Variants in USP32 observed in about 807,000 individuals in gnomAD.
The protein encoded by USP32 is ubiquitin specific peptidase 32.
Under a neutral mutation model 204.8 loss-of-function variants are expected in USP32, and 59 were observed. The observed-to-expected ratio is 0.29, with a 90% CI of 0.23 to 0.36. USP32 has a LOEUF of 0.36. USP32 is among the 10% of genes least tolerant of loss of function. The pLI is 1.00. For synonymous variants in USP32, 517 were observed against 678.4 expected, an observed-to-expected ratio of 0.76 and a Z score of 3.70; for missense variants, 1,160 against 1,946.4, an observed-to-expected ratio of 0.60 and a Z score of 7.60.
intron 12 of USP32, among the ~76,000 whole-genome samples, chr17:60,229,819 T>C (rs1010058636): frequency 1.3e-5 from 2 of 152,178 alleles, no homozygotes; most frequent in Admixed American, 6.5e-5. Context: ...ACTTTTTTTT[T>C]CCTTCTTTTT....
At chr17:60,385,659 T>G (rs1006774552) in intron 1 of USP32, among the ~76,000 whole-genome samples, 1 of 151,940 alleles carries the variant, frequency 6.6e-6, no homozygotes, top group African/African-American at 2.4e-5. Context: ...CTGGCCAACA[T>G]AGTAAAACCC....
chr17:60,261,808 A>G (rs1254621687), intron 9 of USP32, among the ~76,000 whole-genome samples: 1 of 152,238 alleles, frequency 6.6e-6, no homozygotes, highest in African/African-American at 2.4e-5. Flanking sequence ...TTAAGATGAT[A>G]ATCTGATTCT....
At chr17:60,236,290 G>A in intron 11 of USP32, 50 bp from the exon 12 acceptor site, 1 of 1,455,102 alleles carries the variant, frequency 6.9e-7, no homozygotes, top group Non-Finnish European at 9.6e-7. Flanking sequence ...TGAAATAGGT[G>A]GCAACGCACA....
At chr17:60,269,311 C>A in intron 7 of USP32, 139 bp downstream of exon 7, 1 of 647,230 alleles carries the variant, frequency 1.5e-6, no homozygotes, top group Non-Finnish European at 2.6e-6. Context: ...TCAGTAAAAC[C>A]CTAACATGAG....
At chr17:60,389,497 C>T (rs2089791602) in intron 1 of USP32, among the ~76,000 whole-genome samples, 1 of 151,102 alleles carries the variant, frequency 6.6e-6, no homozygotes, top group Non-Finnish European at 1.5e-5. Flanking sequence ...GAGCCAAGAT[C>T]ACGCCACTGC....
chr17:60,366,788 C>T (rs924793213), intron 1 of USP32, among the ~76,000 whole-genome samples: 2 of 151,320 alleles, frequency 1.3e-5, no homozygotes, highest in African/African-American at 4.9e-5. Context: ...GAAACAGAGA[C>T]ACGCTATTAC....
chr17:60,273,563 A>G (rs1251113089), intron 5 of USP32, among the ~76,000 whole-genome samples: 2 of 152,238 alleles, frequency 1.3e-5, no homozygotes, highest in Non-Finnish European at 2.9e-5. Flanking sequence ...TTAAAGAGAG[A>G]CAACAATCCA....
At chr17:60,368,419 C>T (rs1370377923) in intron 1 of USP32, among the ~76,000 whole-genome samples, 1 of 151,820 alleles carries the variant, frequency 6.6e-6, no homozygotes, top group African/African-American at 2.4e-5. Context: ...GTAAGAAATC[C>T]CAATATAAAC....
intron 1 of USP32, among the ~76,000 whole-genome samples, chr17:60,415,436 A>G (rs754003137): frequency 6.6e-6 from 1 of 152,096 alleles, no homozygotes; most frequent in Non-Finnish European, 1.5e-5. Context: ...TGGGTTAAAG[A>G]CCCATCTAAC....
intron 28 of USP32, among the ~76,000 whole-genome samples, chr17:60,192,306 A>T (rs1363137293): frequency 6.6e-6 from 1 of 152,172 alleles, no homozygotes; most frequent in Non-Finnish European, 1.5e-5. Context: ...AAAACAAAAC[A>T]ACACAAAAAA....
chr17:60,329,828 T>C (rs188123857), intron 2 of USP32, among the ~76,000 whole-genome samples: 10 of 152,300 alleles, frequency 6.6e-5, no homozygotes, highest in Non-Finnish European at 1.3e-4. Context: ...ACACATAGAA[T>C]ACCAACTCCT....
intron 15 of USP32, 40 bp downstream of exon 15, chr17:60,222,369 A>G: frequency 6.3e-7 from 1 of 1,592,450 alleles, no homozygotes; most frequent in Non-Finnish European, 8.6e-7. Context: ...ACCCCCATCT[A>G]TGACTGCTCC....
intron 5 of USP32, among the ~76,000 whole-genome samples, chr17:60,283,420 T>C (rs2087021867): frequency 1.3e-5 from 2 of 152,336 alleles, no homozygotes; most frequent in South Asian, 4.1e-4. Context: ...GTCAATTTAA[T>C]GTGAATTAAA....
chr17:60,226,753 T>G (rs916763208), intron 12 of USP32, among the ~76,000 whole-genome samples: 3 of 152,078 alleles, frequency 2.0e-5, no homozygotes, highest in African/African-American at 7.2e-5. Context: ...TGAAGGGCAA[T>G]GCTATGACTT....
chr17:60,342,477 G>A (rs1030581123), intron 2 of USP32, among the ~76,000 whole-genome samples: 6 of 152,230 alleles, frequency 3.9e-5, no homozygotes, highest in East Asian at 1.9e-4. Flanking sequence ...AGACAGGGAC[G>A]TTTAAGTCTG....
intron 1 of USP32, among the ~76,000 whole-genome samples, chr17:60,415,656 G>A (rs944212815): frequency 5.3e-5 from 8 of 152,126 alleles, no homozygotes; most frequent in Non-Finnish European, 1.2e-4. Context: ...CTTGGAGTAG[G>A]GACAACTTGG....
At chr17:60,229,995 G>A (rs1391153065) in intron 12 of USP32, among the ~76,000 whole-genome samples, 3 of 152,044 alleles carry the variant, frequency 2.0e-5, no homozygotes, top group Non-Finnish European at 4.4e-5. Context: ...TGTATTTCTG[G>A]TGGAGACAGG....
intron 1 of USP32, among the ~76,000 whole-genome samples, chr17:60,360,291 T>C (rs889338603): frequency 6.6e-6 from 1 of 152,096 alleles, no homozygotes; most frequent in Non-Finnish European, 1.5e-5. Context: ...CTGGCCACCA[T>C]GGCAAAACCC....
At chr17:60,392,831 TCTC>T (rs1487899766), upstream of USP32, among the ~76,000 whole-genome samples, 10 of 152,052 alleles carry the variant, frequency 6.6e-5, 1 homozygote, top group East Asian at 1.9e-4. Context: ...CGGCCCACCT[TCTC>T]CTCCTGACCA....
Sources: allele counts gnomAD v4.1 joint callset (sites outside exome capture counted in the v4.1 genomes callset), GRCh38; gene constraint gnomAD v4.1.1; transcripts MANE v1.5; gene names NCBI Gene and HGNC (gene_info 2026-07-23, HGNC 2026-07-21).